The following USP32 variants were observed in gnomAD, a reference collection of about 807,000 sequenced individuals.
USP32 encodes the protein ubiquitin carboxyl-terminal hydrolase 32.
In USP32, 59 loss-of-function variants were observed where a neutral mutation model predicts 204.8. The observed-to-expected ratio is 0.29, with a 90% CI of 0.23 to 0.36. The LOEUF (loss-of-function observed/expected upper bound fraction) is 0.36. USP32 is among the 10% of genes least tolerant of loss of function. The probability of loss-of-function intolerance (pLI) is 1.00; values close to 1 mark genes in which losing one functional copy is unlikely to be tolerated. For missense variants in USP32, 1,160 were observed against 1,946.4 expected, an observed-to-expected ratio of 0.60 and a Z score of 7.60; for synonymous variants, 517 against 678.4, an observed-to-expected ratio of 0.76 and a Z score of 3.70.
At chr17:60,179,569 C>G in intron 33 of USP32, 141 bp from the exon 34 acceptor site, 1 of 1,070,816 alleles carries the variant, frequency 9.3e-7, no homozygotes, top group Non-Finnish European at 1.3e-6. Context: ...TGTCTCACAC[C>G]TGCCCCTTTA....
chr17:60,316,180 A>G, intron 2 of USP32: 1 of 278,794 alleles, frequency 3.6e-6, no homozygotes, highest in Admixed American at 4.2e-5. Flanking sequence ...GCCAAAAGAC[A>G]TTCAGCTACC....
rs758851473 is a variant in USP32, at chr17:60,301,641, G to A, written c.250C>T (p.Leu84Phe). ...TCTTTGCCTCTTGTAAGGAGGACAA[G>A]TCCAACTATTAAATTATTGAAGTGC... is the stretch of plus-strand genomic sequence containing the variant. ...GLHFNNLIVG[L>F]VLLTRGKDEE... is the part of the protein sequence containing the mutation. Residue 84 changes from leucine to phenylalanine, a missense_variant, in exon 3 of 34, where the codon CTT (leucine) becomes TTT (phenylalanine). Around this residue, in one of 8 missense-constraint regions of USP32, gnomAD observed 536 missense variants for 680.9 expected, o/e 0.79. Transcript: ENST00000300896. The A allele has an allele frequency of 5.6e-6, 9 of 1,596,692 alleles. No individual in the cohort carries two copies. The highest frequency in any genetic ancestry group is 6.8e-6 in the Non-Finnish European group (8 of 1,175,860).
At chr17:60,400,110 A>G (rs188210609) in intron 1 of USP32, among the ~76,000 whole-genome samples, 18 of 152,168 alleles carry the variant, frequency 1.2e-4, no homozygotes. Flanking sequence ...GATTATAGGC[A>G]TGCGCCACCA....
chr17:60,234,326 G>T (rs1453773327), intron 12 of USP32, among the ~76,000 whole-genome samples: 1 of 151,150 alleles, frequency 6.6e-6, no homozygotes. Flanking sequence ...TGTTAGCCAG[G>T]ATGGTCTCGA....
At chr17:60,316,105 A>AG (rs998284636) in intron 2 of USP32, 21 of 250,346 alleles carry the variant, frequency 8.4e-5, no homozygotes, top group Admixed American at 1.6e-4. Context: ...CAGGAGGCAA[A>AG]TGATGGTTGG....
At chr17:60,229,924 C>T (rs1297358653) in intron 12 of USP32, among the ~76,000 whole-genome samples, 1 of 152,070 alleles carries the variant, frequency 6.6e-6, no homozygotes, top group Non-Finnish European at 1.5e-5. Context: ...AGCAATTCTC[C>T]TGCCTCAGCC....
chr17:60,255,238 T>C lies in USP32; in HGVS notation c.1011A>G (p.Glu337=), dbSNP rs988384184. The C allele has an allele frequency of 1.1e-5, 18 of 1,611,386 alleles. No homozygotes were observed. The African/African-American group carries it at 1.9e-4, about 17-fold the overall frequency. ...DTTKMGHLTL[E]DYQIWSVKNV... is the part of the protein sequence containing the mutation. ...TTTTCACACTCCAGATCTGATAGTC[T>C]TCCAGAGTAAGATGACCCATCTGAA... The change falls in exon 10 of 34, where the codon GAA becomes GAG. Residue 337 remains glutamate, a synonymous_variant. Transcript: ENST00000300896.
intron 26 of USP32, among the ~76,000 whole-genome samples, chr17:60,201,800 A>G (rs1232864672): frequency 6.6e-6 from 1 of 151,988 alleles, no homozygotes; most frequent in Non-Finnish European, 1.5e-5. Flanking sequence ...CTGGGACTAC[A>G]TGTGCCCACC....
intron 1 of USP32, among the ~76,000 whole-genome samples, chr17:60,399,673 T>G (rs1346672194): frequency 1.3e-5 from 2 of 151,454 alleles, no homozygotes; most frequent in Non-Finnish European, 2.9e-5. Context: ...AATAAATAAA[T>G]AAATAAGTAA....
chr17:60,337,435 T>A (rs191559644), intron 2 of USP32, among the ~76,000 whole-genome samples: 1 of 152,306 alleles, frequency 6.6e-6, no homozygotes, highest in African/African-American at 2.4e-5. Context: ...TGGTTATTGT[T>A]TTGGTCATTC....
intron 1 of USP32, among the ~76,000 whole-genome samples, chr17:60,365,973 CTTG>C (rs911780253): frequency 2.0e-5 from 3 of 151,930 alleles, no homozygotes; most frequent in East Asian, 1.9e-4. Context: ...CTCCCTTTTT[CTTG>C]TTGTTGTTGT....
Position 60,181,528 on chromosome 17 carries a change from C to A in USP32, c.4344G>T (p.Gly1448=). The change falls in exon 32 of 34, where the codon GGG becomes GGT. Residue 1448 remains glycine, a synonymous_variant. Transcript: ENST00000300896. Reference sequence around the variant, plus strand: ...CTGGTTGGCTGCCCCCCAGCACATGCCCTCGACTCAAGGCGTCAGCCAGCT... The same window carrying A: ...CTGGTTGGCTGCCCCCCAGCACATGACCTCGACTCAAGGCGTCAGCCAGCT... ...ICELADALSR[G]HVLGGSQPEL... is the part of the protein sequence containing the mutation. 4 of 1,614,002 alleles carry A rather than the reference C, an allele frequency of 2.5e-6. No homozygotes were observed. Among genetic ancestry groups the A allele is most frequent in the Non-Finnish European group, 2.5e-6 (3 of 1,179,874 alleles).
Position 60,284,277 on chromosome 17 carries a change from G to A in USP32, c.571+4246C>T, listed in dbSNP as rs575966392. On this transcript the variant is annotated intron_variant, in intron 5 of 33. Transcript: ENST00000300896. The stretch of plus-strand genomic sequence containing the variant: ...CGCCCAGGCTGGAGTGTAGTGGCAT[G>A]ATCTTGGCTCACTGCAACCCCCGCC... Among the ~76,000 whole-genome samples, 3 of 147,116 alleles carry A rather than the reference G, an allele frequency of 2.0e-5. No individual in the cohort carries two copies. The East Asian group carries it at 6.0e-4, about 30-fold the overall frequency.
chr17:60,403,020 GT>G (rs915794552), intron 1 of USP32, among the ~76,000 whole-genome samples: 4 of 148,708 alleles, frequency 2.7e-5, no homozygotes, highest in Non-Finnish European at 6.0e-5. Context: ...CCGTATCTCT[GT>G]TTTTTTTTTG....
intron 2 of USP32, among the ~76,000 whole-genome samples, chr17:60,305,439 C>A (rs890701091): frequency 1.3e-5 from 2 of 152,134 alleles, no homozygotes; most frequent in African/African-American, 4.8e-5. Flanking sequence ...GGGATCTGCC[C>A]CCATGATCCA....
chr17:60,262,602 G>A (rs2086480701), intron 9 of USP32, among the ~76,000 whole-genome samples: 1 of 152,114 alleles, frequency 6.6e-6, no homozygotes, highest in African/African-American at 2.4e-5. Context: ...TTTCTCCATA[G>A]TTTGGTATAA....
chr17:60,266,655 A>ATTT (rs34028475), intron 7 of USP32, among the ~76,000 whole-genome samples: 3 of 97,648 alleles, frequency 3.1e-5, no homozygotes, highest in Admixed American at 1.1e-4. Flanking sequence ...CACCCAGGTA[A>ATTT]TTTTTTTTTT....
At chr17:60,193,544 T>C (rs999669779) in intron 27 of USP32, among the ~76,000 whole-genome samples, 1 of 152,188 alleles carries the variant, frequency 6.6e-6, no homozygotes, top group Non-Finnish European at 1.5e-5. Flanking sequence ...AATTTATACA[T>C]ATTATCAAAA....
At chr17:60,271,247 T>G in intron 6 of USP32, 103 bp downstream of exon 6, 40 of 1,432,640 alleles carry the variant, frequency 2.8e-5, no homozygotes, top group Non-Finnish European at 2.9e-5. Flanking sequence ...TGCAAACATA[T>G]GAGAAGATGG....
Sources: allele counts gnomAD v4.1 joint callset (sites outside exome capture counted in the v4.1 genomes callset), GRCh38; gene constraint gnomAD v4.1.1; regional missense constraint gnomAD v4.1.1; transcripts MANE v1.5; gene names NCBI Gene and HGNC (gene_info 2026-07-23, HGNC 2026-07-21).